Variants in TRIM51G observed in about 807,000 individuals in gnomAD.
TRIM51G encodes tripartite motif-containing protein 51G.
chr11:48,979,954 G>A, the TRIM51G span, among the ~76,000 whole-genome samples: 4 of 151,828 alleles, frequency 2.6e-5, no homozygotes, highest in South Asian at 6.2e-4. Context: ...CCTTTTGTCT[G>A]ACCACCCTAT....
At chr11:48,978,848 T>G in the TRIM51G span, 1 of 1,044,104 alleles carries the variant, frequency 9.6e-7, no homozygotes, top group Non-Finnish European at 1.5e-6. Context: ...TTCAACATCA[T>G]GATAACCCAT....
the TRIM51G span, chr11:48,975,933 G>T: frequency 1.4e-6 from 1 of 739,298 alleles, no homozygotes; most frequent in South Asian, 1.3e-5. Flanking sequence ...CAACCTTCAT[G>T]CTTCTCAAAT....
the TRIM51G span, chr11:48,978,995 G>A: frequency 2.1e-5 from 31 of 1,449,584 alleles, no homozygotes; most frequent in Middle Eastern, 1.7e-4. Flanking sequence ...AAATGTCCTC[G>A]CCCTCCTTTT....
At chr11:48,977,691 A>G in the TRIM51G span, among the ~76,000 whole-genome samples, 1 of 152,134 alleles carries the variant, frequency 6.6e-6, no homozygotes, top group African/African-American at 2.4e-5. Context: ...ATATTTAAAT[A>G]TAAACTAGAA....
At chr11:48,982,956 CAT>C in the TRIM51G span, among the ~76,000 whole-genome samples, 450 of 33,042 alleles carry the variant, frequency 0.014, 32 homozygotes, top group African/African-American at 0.044. Context: ...GGTATATATA[CAT>C]ATATATATAT....
the TRIM51G span, among the ~76,000 whole-genome samples, chr11:48,976,409 C>A: frequency 6.6e-6 from 1 of 152,060 alleles, no homozygotes; most frequent in Admixed American, 6.6e-5. Context: ...AAGCACTGCT[C>A]TAGATAACTG....
chr11:48,975,655 T>C, the TRIM51G span: 1 of 1,430,318 alleles, frequency 7.0e-7, no homozygotes, highest in Non-Finnish European at 9.9e-7. Flanking sequence ...TCTTGGAACA[T>C]ATTGCATTAC....
the TRIM51G span, among the ~76,000 whole-genome samples, chr11:48,982,594 T>C: frequency 6.6e-6 from 1 of 151,922 alleles, no homozygotes; most frequent in South Asian, 2.1e-4. Flanking sequence ...GAAGGCAGTT[T>C]CCTCTTTTTC....
At chr11:48,981,473 A>T in the TRIM51G span, 172 of 1,607,250 alleles carry the variant, frequency 1.1e-4, no homozygotes, top group Non-Finnish European at 1.4e-4. Context: ...CTGGCAATGG[A>T]AGCCATGTTC....
chr11:48,981,825 C>T, the TRIM51G span: 366 of 1,016,760 alleles, frequency 3.6e-4, no homozygotes, highest in Non-Finnish European at 4.5e-4. Flanking sequence ...AAACTATTTC[C>T]TCTGTAACAA....
At chr11:48,976,146 G>A in the TRIM51G span, 1 of 336,790 alleles carries the variant, frequency 3.0e-6, no homozygotes, top group Non-Finnish European at 5.8e-6. Flanking sequence ...ATTTAAGAAA[G>A]TATAAGGATG....
At chr11:48,983,660 CAGTT>C in the TRIM51G span, among the ~76,000 whole-genome samples, 13 of 151,458 alleles carry the variant, frequency 8.6e-5, no homozygotes, top group African/African-American at 2.2e-4. Context: ...TAAGTTTAGA[CAGTT>C]AGATATTTTT....
chr11:48,979,585 C>T, the TRIM51G span, among the ~76,000 whole-genome samples: 2 of 152,030 alleles, frequency 1.3e-5, no homozygotes, highest in Non-Finnish European at 2.9e-5. Context: ...TCACCCTAAT[C>T]GGCTACATGG....
the TRIM51G span, chr11:48,981,729 G>A: frequency 2.5e-5 from 40 of 1,587,066 alleles, no homozygotes; most frequent in Non-Finnish European, 3.3e-5. Context: ...ATGTCATTTT[G>A]GGTTCTGGGT....
chr11:48,981,189 G>A, the TRIM51G span: 2 of 1,542,662 alleles, frequency 1.3e-6, no homozygotes, highest in Non-Finnish European at 1.8e-6. Flanking sequence ...ATGTTTAAGG[G>A]GGCACAGAGA....
the TRIM51G span, among the ~76,000 whole-genome samples, chr11:48,979,609 T>A: frequency 6.6e-6 from 1 of 152,106 alleles, no homozygotes; most frequent in African/African-American, 2.4e-5. Flanking sequence ...TCTTTGTGGT[T>A]CCTCAAACCC....
the TRIM51G span, among the ~76,000 whole-genome samples, chr11:48,976,301 T>A: frequency 6.6e-6 from 1 of 152,172 alleles, no homozygotes; most frequent in Non-Finnish European, 1.5e-5. Context: ...ATGCCCTGAA[T>A]GCCCTTTAGC....
chr11:48,977,795 C>A, the TRIM51G span, among the ~76,000 whole-genome samples: 1 of 152,074 alleles, frequency 6.6e-6, no homozygotes. Flanking sequence ...GCAATATTTT[C>A]TCTTGCAAAT....
chr11:48,981,031 G>A, the TRIM51G span: 2 of 648,888 alleles, frequency 3.1e-6, no homozygotes, highest in Non-Finnish European at 5.6e-6. Flanking sequence ...TGAAGCACAA[G>A]TGAAGACAAT....
Sources: allele counts gnomAD v4.1 joint callset (sites outside exome capture counted in the v4.1 genomes callset), GRCh38; gene constraint gnomAD v4.1.1; transcripts MANE v1.5; gene names NCBI Gene and HGNC (gene_info 2026-07-23, HGNC 2026-07-21).